CFAP251: variants seen among roughly 807,000 people sequenced by gnomAD.
CFAP251 encodes the protein cilia and flagella associated protein 251, also known as cilia- and flagella-associated protein 251.
CFAP251 carries 93 observed loss-of-function variants against 126.7 expected under a neutral mutation model. The ratio of observed to expected loss-of-function variants is 0.73; its 90% CI spans 0.62 to 0.87. CFAP251 has a LOEUF of 0.87. CFAP251 is among the 40% of genes least tolerant of loss of function. CFAP251 has a pLI of 0.00. For synonymous variants in CFAP251, 503 were observed against 506.9 expected, an observed-to-expected ratio of 0.99 and a Z score of 0.10; for missense variants, 1,287 against 1,389.2, an observed-to-expected ratio of 0.93 and a Z score of 1.17.
rs771695038 is a variant in CFAP251, at chr12:121,923,978, G to A, written c.735G>A (p.Pro245=). 15 of 1,608,686 alleles carry A rather than the reference G, an allele frequency of 9.3e-6. No individual in the cohort carries two copies. Among genetic ancestry groups the A allele is most frequent in the African/African-American group, 1.3e-5 (1 of 74,486 alleles). The change falls in exon 3 of 22, where the codon CCG becomes CCA. Residue 245 remains proline (P), a synonymous_variant. Transcript: ENST00000288912. ...TGTTTCAAAAGGATAAAAGCACCCC[G>A]GTGTATCCCTTGGTAAGTGTAATGC... The part of the protein sequence containing the change: ...DILFQKDKST[P]VYPLTMTWSF...
chr12:121,967,023 T>G lies in CFAP251; in HGVS notation c.2561T>G (p.Met854Arg). 1 of 1,614,258 alleles carries G rather than the reference T, an allele frequency of 6.2e-7. No individual in the cohort carries two copies. Among genetic ancestry groups the G allele is most frequent in the Non-Finnish European group, 8.5e-7 (1 of 1,180,038 alleles). The stretch of plus-strand genomic sequence containing the variant: ...ACACAAGTCCTCCCAGTGAGAAGCA[T>G]GGCGGAGCTACAGAAACGCTACTTG... ...EQTQVLPVRS[M>R]AELQKRYLVF... is the part of the protein sequence containing the mutation. The change falls in exon 16 of 22, where the codon ATG becomes AGG. Residue 854 changes from methionine (M) to arginine (R), a missense_variant. Coordinates refer to ENST00000288912, the MANE Select transcript of CFAP251 (RefSeq NM_144668.6).
At chr12:121,960,855 G>A in intron 14 of CFAP251, 97 bp downstream of exon 14, 1 of 1,388,054 alleles carries the variant, frequency 7.2e-7, no homozygotes, top group Non-Finnish European at 9.9e-7. Context: ...CACAGTACGT[G>A]TGTTTGTTGG....
At chr12:121,928,602 C>A (rs1365863413) in intron 3 of CFAP251, among the ~76,000 whole-genome samples, 2 of 142,452 alleles carry the variant, frequency 1.4e-5, no homozygotes, top group African/African-American at 5.2e-5. Flanking sequence ...GATTACTTGA[C>A]CCTAGATAAT....
chr12:121,957,561 G>A lies in CFAP251; in HGVS notation c.1730+293G>A, dbSNP rs1013632457. The stretch of plus-strand genomic sequence containing the variant: ...CTATTAAAAATACAAAAAATTAGCC[G>A]GGCGTGGTGACGGGTGCCTGTAGTC... On this transcript the variant is annotated intron_variant, in intron 11 of 21. Transcript: ENST00000288912. 2.0e-4 allele frequency among the ~76,000 whole-genome samples: 30 copies of A among 152,084 alleles called. No homozygotes were observed. In the South Asian group the frequency reaches 5.8e-3, roughly 29 times the overall value.
chr12:121,938,574 C>T (rs770277196), intron 5 of CFAP251, among the ~76,000 whole-genome samples: 11 of 150,940 alleles, frequency 7.3e-5, no homozygotes, highest in Non-Finnish European at 1.6e-4. Context: ...AAGTGATCCA[C>T]CTGACTCAGC....
In CFAP251 at chr12:121,962,039, C is replaced by G. The variant is rs372256590; in HGVS notation, c.2369C>G (p.Thr790Ser). Residue 790 changes from threonine (T) to serine (S), a missense_variant, in exon 15 of 22, where the codon ACC becomes AGC. By Grantham distance (58) the Thr-to-Ser change is moderately conservative (BLOSUM62 1). Transcript: ENST00000288912. ...CTGGAAGTCCTGGACATTCACCACACCGACCAGGGCTGCTATCCCACCTGC... is the reference window on the plus strand; with the variant it reads ...CTGGAAGTCCTGGACATTCACCACAGCGACCAGGGCTGCTATCCCACCTGC... ...DHLEVLDIHH[T>S]DQGCYPTCMV... is the part of the protein sequence containing the mutation. The G allele has an allele frequency of 6.2e-7, 1 of 1,613,990 alleles. No individual in the cohort carries two copies. The highest frequency in any genetic ancestry group is 8.5e-7 in the Non-Finnish European group (1 of 1,180,036).
At chr12:121,924,020 G>A (rs1208615698) in intron 3 of CFAP251, 30 bp downstream of exon 3, 1 of 1,443,438 alleles carries the variant, frequency 6.9e-7, no homozygotes, top group Non-Finnish European at 9.0e-7. Flanking sequence ...ATCTCCCCCA[G>A]TGCTTTTGAG....
intron 10 of CFAP251, 126 bp from the exon 11 acceptor site, chr12:121,956,948 G>T: frequency 1.5e-6 from 1 of 647,566 alleles, no homozygotes; most frequent in South Asian, 3.1e-5. Context: ...AATCATTCTC[G>T]TTGGGAGTAT....
In CFAP251 at chr12:121,942,772, C is replaced by T. The variant is rs1881174885; in HGVS notation, c.1111-123C>T. 9.6e-6 allele frequency: 12 copies of T among 1,255,840 alleles called. No homozygotes were observed. In the East Asian group the frequency reaches 2.8e-4, roughly 30 times the overall value. The allele number at this position is 1,255,840 out of a possible 1,614,324, so 77.8% of individuals were successfully genotyped here. On this transcript the variant is annotated intron_variant, in intron 6 of 21. Coordinates refer to ENST00000288912, the MANE Select transcript of CFAP251 (RefSeq NM_144668.6). The stretch of plus-strand genomic sequence containing the variant: ...GATATTCTCAAAAGACCAGACTCCA[C>T]AGCACAGAGTCTGGGCCTCTGTCCT...
At chr12:121,968,271 G>GT (rs1882218366) in intron 17 of CFAP251, 102 bp downstream of exon 17, 1 of 1,198,898 alleles carries the variant, frequency 8.3e-7, no homozygotes, top group African/African-American at 1.5e-5. Context: ...ACTGTGCTAG[G>GT]ATGTCACAGG....
At chr12:121,956,787 C>T (rs1442213025) in intron 10 of CFAP251, among the ~76,000 whole-genome samples, 1 of 152,200 alleles carries the variant, frequency 6.6e-6, no homozygotes, top group African/African-American at 2.4e-5. Context: ...TGAGCCACCA[C>T]ACCCAGCTAC....
chr12:121,948,220 A>G (rs1881390880), intron 7 of CFAP251: 1 of 152,194 alleles, frequency 6.6e-6, no homozygotes, highest in Admixed American at 6.5e-5. Flanking sequence ...GCTATTCACC[A>G]TCTTGGCAGG....
At chr12:121,927,188 GT>G (rs36117069) in intron 3 of CFAP251, among the ~76,000 whole-genome samples, 85 of 143,694 alleles carry the variant, frequency 5.9e-4, no homozygotes, top group Admixed American at 9.1e-4. Flanking sequence ...TGTTGTTTAG[GT>G]TTTTTTTTTT....
chr12:121,999,698 T>C lies in CFAP251; in HGVS notation c.3007-18T>C, dbSNP rs199917460. On this transcript the variant is annotated intron_variant, in intron 19 of 21. Coordinates refer to ENST00000288912, the MANE Select transcript of CFAP251 (RefSeq NM_144668.6). ...TCTATTTACTGTGGTCTTTTTTTTTTCCCCATCTTTCCCCTAGATTGATGA... is the reference window on the plus strand; with the variant it reads ...TCTATTTACTGTGGTCTTTTTTTTTCCCCCATCTTTCCCCTAGATTGATGA... 287 of 1,560,500 alleles carry C rather than the reference T, an allele frequency of 1.8e-4. No homozygotes were observed. The African/African-American group carries it at 2.4e-3, about 13-fold the overall frequency.
intron 3 of CFAP251, among the ~76,000 whole-genome samples, chr12:121,928,670 GTATA>G (rs373937834): frequency 0.5 from 25,169 of 50,730 alleles, 6,420 homozygotes; most frequent in African/African-American, 0.67. Flanking sequence ...ATATATATAC[GTATA>G]TATATATATA....
At chr12:121,964,145 TTTGTTG>T (rs10581852) in intron 15 of CFAP251, among the ~76,000 whole-genome samples, 2,492 of 149,750 alleles carry the variant, frequency 0.017, 78 homozygotes, top group African/African-American at 0.058. Context: ...CCACCCGGGA[TTTGTTG>T]TTGTTGTTGT....
At chr12:122,002,862 C>G (rs1883179414) in intron 21 of CFAP251, among the ~76,000 whole-genome samples, 8 of 152,114 alleles carry the variant, frequency 5.3e-5, no homozygotes, top group Admixed American at 5.2e-4. Flanking sequence ...AGACCCCTCA[C>G]CCATTCCCCT....
At chr12:121,920,486 T>A (rs1210206682) in intron 1 of CFAP251, among the ~76,000 whole-genome samples, 3 of 150,604 alleles carry the variant, frequency 2.0e-5, no homozygotes, top group African/African-American at 7.3e-5. Flanking sequence ...AAGCTCCGCC[T>A]CCCGGGTTCA....
At chr12:121,928,682 A>ATATT in intron 3 of CFAP251, among the ~76,000 whole-genome samples, 1 of 41,810 alleles carries the variant, frequency 2.4e-5, no homozygotes, top group Non-Finnish European at 7.9e-5. Context: ...ATATATATAT[A>ATATT]TATATACGTA....
Sources: allele counts gnomAD v4.1 joint callset (sites outside exome capture counted in the v4.1 genomes callset), GRCh38; gene constraint gnomAD v4.1.1; transcripts MANE v1.5; gene names NCBI Gene and HGNC (gene_info 2026-07-23, HGNC 2026-07-21).